The following COL24A1 variants were observed in gnomAD, a reference collection of about 807,000 sequenced individuals.
COL24A1 encodes the protein collagen type XXIV alpha 1 chain.
In COL24A1, 224 loss-of-function variants were observed where a neutral mutation model predicts 253.9. That is an observed-to-expected ratio of 0.88 (90% confidence interval 0.79 to 0.99). The LOEUF is 0.99. Ranked by LOEUF, COL24A1 falls within the 50% of genes least tolerant of loss-of-function variation. The probability of loss-of-function intolerance (pLI) is 0.00; values close to 1 mark genes in which losing one functional copy is unlikely to be tolerated. For missense variants in COL24A1, 2,131 were observed against 2,068.5 expected (o/e 1.03, Z -0.59); for synonymous variants, 685 against 673.7 (o/e 1.02, Z -0.26).
intron 52 of COL24A1, among the ~76,000 whole-genome samples, chr1:85,778,210 C>T (rs1173115748): frequency 6.6e-6 from 1 of 151,738 alleles, no homozygotes; most frequent in African/African-American, 2.4e-5. Flanking sequence ...ATCAAGTGGT[C>T]TTCCCACCTC....
At chr1:85,838,962 G>A (rs1003695031) in intron 42 of COL24A1, among the ~76,000 whole-genome samples, 1 of 152,154 alleles carries the variant, frequency 6.6e-6, no homozygotes, top group African/African-American at 2.4e-5. Flanking sequence ...CACGTTGGGA[G>A]GCTGAGGCAG....
chr1:86,145,999 GA>G, intron 2 of COL24A1, 119 bp downstream of exon 2: 1 of 791,396 alleles, frequency 1.3e-6, no homozygotes, highest in East Asian at 2.6e-5. Flanking sequence ...GTACTGGGTG[GA>G]ATTTTTGTTA....
intron 20 of COL24A1, among the ~76,000 whole-genome samples, chr1:85,977,385 A>AT (rs1692792797): frequency 6.6e-6 from 1 of 152,230 alleles, no homozygotes; most frequent in Admixed American, 6.5e-5. Flanking sequence ...GAATTGCCAG[A>AT]TAAAGAATTC....
intron 5 of COL24A1, among the ~76,000 whole-genome samples, chr1:86,111,798 A>G (rs949376661): frequency 1.3e-5 from 2 of 151,922 alleles, no homozygotes; most frequent in African/African-American, 2.4e-5. Context: ...GGAATGAACA[A>G]CTCCGGATAG....
rs182333748 is a variant in COL24A1 at position 85,814,412 on chromosome 1, G to C, written c.3951+2376C>G. ...TATTTTTTGTATTGGCTTTCTCTTA[G>C]CCATTAAATTACTATCCTTTAAATA... On this transcript the variant is annotated intron_variant, in intron 47 of 59. Coordinates refer to ENST00000370571, the MANE Select transcript of COL24A1 (RefSeq NM_152890.7). Among the ~76,000 whole-genome samples the C allele has an allele frequency of 5.8e-3, 889 of 152,230 alleles. 4 individuals are homozygous for C. Among genetic ancestry groups the C allele is most frequent in the African/African-American group, 0.02 (842 of 41,536 alleles).
intron 7 of COL24A1, among the ~76,000 whole-genome samples, chr1:86,088,763 C>A (rs1020367870): frequency 7.9e-5 from 12 of 152,190 alleles, no homozygotes; most frequent in African/African-American, 2.4e-4. Context: ...AGCAAGTAAA[C>A]CTCACTTTGG....
intron 37 of COL24A1, among the ~76,000 whole-genome samples, chr1:85,853,175 A>G (rs1677989043): frequency 6.6e-6 from 1 of 152,106 alleles, no homozygotes; most frequent in Non-Finnish European, 1.5e-5. Flanking sequence ...CTTTGTGTCC[A>G]TGTGTACTCA....
At chr1:86,093,720 A>C (rs1037696138) in intron 5 of COL24A1, among the ~76,000 whole-genome samples, 1 of 152,180 alleles carries the variant, frequency 6.6e-6, no homozygotes, top group South Asian at 2.1e-4. Context: ...GAATGGGAGA[A>C]CATTTTTGCA....
intron 24 of COL24A1, among the ~76,000 whole-genome samples, chr1:85,954,175 C>T (rs550577331): frequency 5.3e-4 from 81 of 152,214 alleles, no homozygotes; most frequent in African/African-American, 1.9e-3. Context: ...TTGTTTTCTA[C>T]ACCAGTACAT....
At chr1:86,027,213 G>T (rs1282557399) in intron 14 of COL24A1, among the ~76,000 whole-genome samples, 1 of 152,160 alleles carries the variant, frequency 6.6e-6, no homozygotes, top group Non-Finnish European at 1.5e-5. Context: ...CAATAGAAAA[G>T]AAAAACTGAT....
intron 43 of COL24A1, among the ~76,000 whole-genome samples, chr1:85,838,284 A>G (rs1676234407): frequency 6.6e-6 from 1 of 152,196 alleles, no homozygotes; most frequent in African/African-American, 2.4e-5. Flanking sequence ...ATAAAATGTC[A>G]TGAAGGAAAT....
intron 19 of COL24A1, among the ~76,000 whole-genome samples, chr1:86,010,363 T>A (rs635713): frequency 6.6e-6 from 1 of 152,002 alleles, no homozygotes; most frequent in Non-Finnish European, 1.5e-5. Flanking sequence ...CTTAAACATT[T>A]AGAGTAAAAT....
At chr1:85,855,677 T>C (rs983271450) in intron 37 of COL24A1, among the ~76,000 whole-genome samples, 1 of 152,122 alleles carries the variant, frequency 6.6e-6, no homozygotes, top group South Asian at 2.1e-4. Flanking sequence ...GTCTTCTTTT[T>C]TTGTTGTTGT....
At chr1:86,044,593 G>T (rs971379956) in intron 12 of COL24A1, among the ~76,000 whole-genome samples, 2 of 151,938 alleles carry the variant, frequency 1.3e-5, no homozygotes, top group Non-Finnish European at 2.9e-5. Flanking sequence ...TTTGTAATAA[G>T]AAGAACAGTG....
At chr1:85,936,342 T>C (rs550961893) in intron 24 of COL24A1, among the ~76,000 whole-genome samples, 2 of 147,068 alleles carry the variant, frequency 1.4e-5, no homozygotes, top group Non-Finnish European at 1.5e-5. Context: ...CCAGTTAGGA[T>C]TCCCACCACC....
At chr1:85,765,770 G>T (rs6681351) in intron 53 of COL24A1, among the ~76,000 whole-genome samples, 5,459 of 151,486 alleles carry the variant, frequency 0.036, 107 homozygotes, top group Middle Eastern at 0.082. Context: ...GCCGATATCT[G>T]ACACTAGGAT....
intron 24 of COL24A1, among the ~76,000 whole-genome samples, chr1:85,942,169 C>T (rs1688815002): frequency 6.6e-6 from 1 of 152,124 alleles, no homozygotes; most frequent in African/African-American, 2.4e-5. Flanking sequence ...AGTTCTCTGC[C>T]AGCTAGTTAG....
intron 2 of COL24A1, among the ~76,000 whole-genome samples, chr1:86,137,152 T>G (rs966952311): frequency 5.3e-5 from 8 of 152,120 alleles, no homozygotes; most frequent in Non-Finnish European, 7.4e-5. Context: ...ATAACTAAGT[T>G]GCCGGAAGTA....
At chr1:85,817,741 A>G (rs1197653191) in intron 46 of COL24A1, among the ~76,000 whole-genome samples, 2 of 152,024 alleles carry the variant, frequency 1.3e-5, no homozygotes, top group Non-Finnish European at 2.9e-5. Context: ...TTACGATTCT[A>G]AGTTCTCTGT....
Sources: allele counts gnomAD v4.1 joint callset (sites outside exome capture counted in the v4.1 genomes callset), GRCh38; gene constraint gnomAD v4.1.1; transcripts MANE v1.5; gene names NCBI Gene and HGNC (gene_info 2026-07-23, HGNC 2026-07-21).